The following KPNA1 variants were observed in gnomAD, a reference collection of about 807,000 sequenced individuals.
KPNA1 encodes the protein importin subunit alpha-5.
In KPNA1, 10 loss-of-function variants were observed where a neutral mutation model predicts 70.5. The observed-to-expected ratio is 0.14, with a 90% CI of 0.09 to 0.24. KPNA1 has a LOEUF of 0.24. Among genes scored for constraint, KPNA1 ranks in the 10% least tolerant of loss-of-function variants. KPNA1 has a pLI of 1.00. For synonymous variants in KPNA1, 192 were observed against 221.9 expected (o/e 0.87, Z 1.20); for missense variants, 397 against 637.9 (o/e 0.62, Z 4.07).
At chr3:122,438,063 C>A (rs1330819154) in intron 10 of KPNA1, among the ~76,000 whole-genome samples, 1 of 152,144 alleles carries the variant, frequency 6.6e-6, no homozygotes, top group Non-Finnish European at 1.5e-5. Flanking sequence ...GTGTCCCCAC[C>A]CAAATCACAT....
At chr3:122,460,695 C>G (rs1254328113) in intron 5 of KPNA1, 6 of 926,850 alleles carry the variant, frequency 6.5e-6, no homozygotes, top group Non-Finnish European at 7.7e-6. Flanking sequence ...ACAAAATTTC[C>G]TCTTGGAATC....
intron 3 of KPNA1, 106 bp from the exon 4 acceptor site, chr3:122,464,147 C>G (rs1316411599): frequency 3.9e-6 from 2 of 506,502 alleles, no homozygotes; most frequent in East Asian, 3.0e-5. Flanking sequence ...TCATACTTCC[C>G]CAGAAGTTAC....
At chr3:122,433,523 G>T in intron 12 of KPNA1, 138 bp downstream of exon 12, 1 of 605,676 alleles carries the variant, frequency 1.7e-6, no homozygotes, top group Non-Finnish European at 2.7e-6. Flanking sequence ...TTCTTATTTG[G>T]TAAGATCGTC....
chr3:122,498,818 G>A (rs969011849), intron 1 of KPNA1, among the ~76,000 whole-genome samples: 10 of 152,170 alleles, frequency 6.6e-5, no homozygotes, highest in African/African-American at 2.4e-4. Flanking sequence ...ATAAGAGACT[G>A]CACTGTCTGT....
At chr3:122,491,995 G>A (rs1244691929) in intron 2 of KPNA1, among the ~76,000 whole-genome samples, 16 of 150,660 alleles carry the variant, frequency 1.1e-4, no homozygotes. Flanking sequence ...CCGTGTAGCT[G>A]GGACTACAGG....
At chr3:122,511,461 A>G (rs1442165568) in intron 1 of KPNA1, among the ~76,000 whole-genome samples, 1 of 152,258 alleles carries the variant, frequency 6.6e-6, no homozygotes, top group Admixed American at 6.5e-5. Context: ...ACACTTGGAC[A>G]GAACCATTTT....
intron 2 of KPNA1, among the ~76,000 whole-genome samples, chr3:122,473,462 C>G (rs1328096341): frequency 6.6e-6 from 1 of 152,142 alleles, no homozygotes; most frequent in African/African-American, 2.4e-5. Context: ...AACACAGGTG[C>G]AAAATCCTCA....
At chr3:122,509,997 T>C (rs2107512475) in intron 1 of KPNA1, among the ~76,000 whole-genome samples, 1 of 152,258 alleles carries the variant, frequency 6.6e-6, no homozygotes, top group Non-Finnish European at 1.5e-5. Flanking sequence ...GAAGATCACA[T>C]ACAAACAAAG....
chr3:122,452,605 G>GGAAGGAAA (rs2076218408), intron 6 of KPNA1, among the ~76,000 whole-genome samples: 1 of 94,890 alleles, frequency 1.1e-5, no homozygotes, highest in Non-Finnish European at 2.2e-5. Context: ...AAGGAAGGAA[G>GGAAGGAAA]GAAGGGAGGG....
chr3:122,456,501 A>T (rs1560031014), intron 5 of KPNA1, among the ~76,000 whole-genome samples: 1 of 152,214 alleles, frequency 6.6e-6, no homozygotes. Flanking sequence ...GTGAGAAAAA[A>T]TTACTTAGAA....
intron 1 of KPNA1, among the ~76,000 whole-genome samples, chr3:122,509,027 C>A (rs146932210): frequency 3.1e-4 from 47 of 152,236 alleles, no homozygotes; most frequent in African/African-American, 1.1e-3. Flanking sequence ...GGGTGGATCA[C>A]TTGAGGTCAG....
intron 10 of KPNA1, among the ~76,000 whole-genome samples, chr3:122,438,263 C>CT (rs1287343568): frequency 1.3e-5 from 2 of 152,184 alleles, no homozygotes; most frequent in African/African-American, 2.4e-5. Flanking sequence ...TCCACCATAA[C>CT]TTTTAAGTTT....
intron 8 of KPNA1, among the ~76,000 whole-genome samples, chr3:122,451,190 C>T (rs2076198847): frequency 1.3e-5 from 2 of 151,880 alleles, no homozygotes; most frequent in African/African-American, 4.8e-5. Flanking sequence ...TCACAGACCA[C>T]ACTTTGAGAA....
rs1576308126 is a variant in KPNA1 at position 122,460,172 on chromosome 3, C to A, written c.432+1052G>T. 7.1e-6 allele frequency: 7 copies of A among 985,272 alleles called. No homozygotes were observed. The East Asian group carries it at 7.9e-4, about 112-fold the overall frequency. 61.0% of individuals were successfully genotyped at this position (985,272 alleles called of 1,614,324 possible). ...ATCCTACAGGTGAGAATTTAGGGAT[C>A]ACATGTATTTGTAACTAATAAAGGC... On this transcript the variant is annotated intron_variant, in intron 5 of 13. Transcript: ENST00000344337.
At chr3:122,478,195 A>T (rs997535266) in intron 2 of KPNA1, among the ~76,000 whole-genome samples, 1 of 151,718 alleles carries the variant, frequency 6.6e-6, no homozygotes, top group Non-Finnish European at 1.5e-5. Flanking sequence ...AAAGAAAAAG[A>T]AAAAAGGGTC....
intron 1 of KPNA1, 167 bp downstream of exon 1, chr3:122,514,590 G>A (rs1366061356): frequency 6.6e-6 from 1 of 151,472 alleles, no homozygotes; most frequent in Non-Finnish European, 1.5e-5. Context: ...TAGGACAGCC[G>A]GGCCCGTGAC....
intron 9 of KPNA1, among the ~76,000 whole-genome samples, chr3:122,449,329 A>G (rs1259647400): frequency 3.3e-5 from 5 of 152,244 alleles, no homozygotes; most frequent in African/African-American, 4.8e-5. Flanking sequence ...GGAACTACAC[A>G]TATCAGAGTT....
At chr3:122,494,614 G>A (rs1233526017) in intron 2 of KPNA1, among the ~76,000 whole-genome samples, 1 of 152,056 alleles carries the variant, frequency 6.6e-6, no homozygotes, top group Non-Finnish European at 1.5e-5. Context: ...GGCAATTGGG[G>A]CTCTTTTTTG....
intron 1 of KPNA1, among the ~76,000 whole-genome samples, chr3:122,503,338 A>T (rs2076852046): frequency 6.6e-6 from 1 of 152,218 alleles, no homozygotes; most frequent in African/African-American, 2.4e-5. Flanking sequence ...ATGAAGGCAT[A>T]TAGGAAGTCT....
Sources: gnomAD v4.1 joint callset for allele counts (sites outside exome capture counted in the v4.1 genomes callset) on GRCh38, gnomAD v4.1.1 for gene constraint, MANE v1.5 for transcripts, NCBI Gene and HGNC (gene_info 2026-07-23, HGNC 2026-07-21) for gene names.